Variants in ARPC5L observed in about 807,000 individuals in gnomAD.
ARPC5L encodes the protein actin related protein 2/3 complex subunit 5 like.
ARPC5L carries 4 observed loss-of-function variants against 16.9 expected under a neutral mutation model. That is an observed-to-expected ratio of 0.24 (90% CI 0.12 to 0.54). The LOEUF is 0.54. Ranked by LOEUF, ARPC5L falls within the 20% of genes least tolerant of loss-of-function variation. ARPC5L has a pLI of 0.95. For synonymous variants in ARPC5L, 78 were observed against 82.6 expected (o/e 0.94, Z 0.30); for missense variants, 151 against 201.9 (o/e 0.75, Z 1.53).
At position 124,875,021 on chromosome 9, in the gene ARPC5L, G is replaced by A. The variant is rs762193976; in HGVS notation, c.269G>A (p.Ser90Asn). The change falls in exon 5 of 6, where the codon AGC becomes AAC. Residue 90 changes from serine to asparagine, a missense_variant. Physicochemically the swap from Ser to Asn is conservative, Grantham distance 46. Transcript: ENST00000353214. The stretch of plus-strand genomic sequence containing the variant: ...CTGAAAGTGCTCACAAACTTCAAGA[G>A]CAGTGAGATTGAGCAGGCTGTGCAG... ...VVLKVLTNFK[S>N]SEIEQAVQSL... 1 of 1,614,070 alleles carries A rather than the reference G, an allele frequency of 6.2e-7. No individual in the cohort carries two copies. Among genetic ancestry groups the A allele is most frequent in the South Asian group, 1.1e-5 (1 of 91,084 alleles).
chr9:124,865,749 C>T (rs537250908), intron 2 of ARPC5L, among the ~76,000 whole-genome samples: 15 of 150,952 alleles, frequency 9.9e-5, no homozygotes, highest in African/African-American at 3.4e-4. Flanking sequence ...GCCAAGATTG[C>T]GCCACTTCAC....
At position 124,869,210 on chromosome 9, in the gene ARPC5L, C is replaced by T. The variant is rs1025732881; in HGVS notation, c.-81C>T. On this transcript the variant is annotated 5_prime_UTR_variant, in exon 3 of 6. Transcript: ENST00000353214. Reference sequence around the variant, plus strand: ...CAGCCGGGCAGCCGCTTCCCGCCCCCGAGCAGGAGCCGGTGCGAGCGGAGC... The same window carrying T: ...CAGCCGGGCAGCCGCTTCCCGCCCCTGAGCAGGAGCCGGTGCGAGCGGAGC... 1.5e-6 allele frequency: 2 copies of T among 1,345,968 alleles called. No homozygotes were observed. Among genetic ancestry groups the T allele is most frequent in the East Asian group, 3.1e-5 (1 of 31,966 alleles). The allele number at this position is 1,345,968 out of a possible 1,614,324, so 83.4% of individuals were successfully genotyped here. A position where few individuals can be genotyped will look rare whatever the true frequency, so the allele number is the denominator to read the frequency against.
intron 5 of ARPC5L, 104 bp downstream of exon 5, chr9:124,875,255 G>T: frequency 7.5e-7 from 1 of 1,328,362 alleles, no homozygotes; most frequent in South Asian, 1.4e-5. Context: ...TCTGATAGGC[G>T]TGTGGGGTCA....
chr9:124,877,040 T>A lies in ARPC5L; in HGVS notation c.*100T>A. 1.1e-6 allele frequency: 1 copy of A among 902,458 alleles called. No individual in the cohort carries two copies. The highest frequency in any genetic ancestry group is 1.7e-6 in the Non-Finnish European group (1 of 593,682). 55.9% of individuals were successfully genotyped at this position (902,458 alleles called of 1,614,324 possible). On this transcript the variant is annotated 3_prime_UTR_variant, in exon 6 of 6. Transcript: ENST00000353214. The stretch of plus-strand genomic sequence containing the variant: ...GACCATCTTCCTAGGAACTCCCAAG[T>A]AAACTATTTCAGGACATGTATCTGC...
intron 4 of ARPC5L, among the ~76,000 whole-genome samples, chr9:124,873,977 C>G (rs897003320): frequency 5.9e-5 from 9 of 152,332 alleles, no homozygotes; most frequent in Non-Finnish European, 1.2e-4. Flanking sequence ...CCCACAGAAG[C>G]CTTCACTCCT....
intron 3 of ARPC5L, among the ~76,000 whole-genome samples, chr9:124,870,107 CT>C (rs1269345536): frequency 6.6e-6 from 1 of 152,184 alleles, no homozygotes; most frequent in Non-Finnish European, 1.5e-5. Context: ...CTCAGCCACG[CT>C]CAACAAGTGA....
intron 2 of ARPC5L, among the ~76,000 whole-genome samples, chr9:124,867,963 G>T (rs1312614852): frequency 6.6e-6 from 1 of 151,934 alleles, no homozygotes; most frequent in African/African-American, 2.4e-5. Flanking sequence ...GCATGCGCCA[G>T]CACGCCCGGC....
intron 3 of ARPC5L, among the ~76,000 whole-genome samples, chr9:124,869,888 C>T (rs1050323150): frequency 1.3e-5 from 2 of 152,204 alleles, no homozygotes; most frequent in African/African-American, 4.8e-5. Context: ...GAGGCTGGGG[C>T]GCGGTCCTCC....
Position 124,873,595 on chromosome 9 carries a change from C to A in ARPC5L, c.150-97C>A, listed in dbSNP as rs113069294. ...GAAGGTGGGTGGTATGGATGAGATC[C>A]CATCTGACTCTGTTCCTGAGCTGTT... On this transcript the variant is annotated intron_variant, in intron 3 of 5. Transcript: ENST00000353214. 7.3e-6 allele frequency: 10 copies of A among 1,369,686 alleles called. No homozygotes were observed. The African/African-American group carries it at 1.4e-4, about 20-fold the overall frequency. The allele number at this position is 1,369,686 out of a possible 1,614,324, so 84.8% of individuals were successfully genotyped here.
intron 2 of ARPC5L, among the ~76,000 whole-genome samples, chr9:124,864,848 C>T (rs566054130): frequency 4.9e-4 from 75 of 151,578 alleles, no homozygotes; most frequent in African/African-American, 1.7e-3. Flanking sequence ...ATTCTTGTTG[C>T]CCAGGCTGGA....
chr9:124,876,065 G>A (rs1005042181), intron 5 of ARPC5L, among the ~76,000 whole-genome samples: 7 of 152,286 alleles, frequency 4.6e-5, no homozygotes, highest in South Asian at 2.1e-4. Flanking sequence ...TCACCTCAGC[G>A]GGCGGCAGTC....
At position 124,876,908 on chromosome 9, in the gene ARPC5L, A is replaced by G. The variant is rs765136624; in HGVS notation, c.430A>G (p.Ile144Val). The G allele has an allele frequency of 3.7e-6, 6 of 1,613,588 alleles. No individual in the cohort carries two copies. Among genetic ancestry groups the G allele is most frequent in the East Asian group, 2.2e-5 (1 of 44,864 alleles). The stretch of plus-strand genomic sequence containing the variant: ...AGCAGTAGGAGGACTAGGCTCCATT[A>G]TAAGAGTTCTTACAGCAAGAAAGAC... ...ALAVGGLGSI[I>V]RVLTARKTV The change falls in exon 6 of 6, where the codon ATA (isoleucine) becomes GTA (valine). Residue 144 changes from isoleucine (I) to valine (V), a missense_variant. Physicochemically the swap from Ile to Val is conservative, Grantham distance 29. Transcript: ENST00000353214.
At position 124,862,136 on chromosome 9, in the gene ARPC5L, G is replaced by C. The variant is rs189904170; in HGVS notation, c.-1246G>C. ...GCCTTGTAGTGCTCGCCTCATTCAC[G>C]GCACCCCTGATAGCGAGGTCGGCGT... On this transcript the variant is annotated 5_prime_UTR_variant, in exon 1 of 6. Transcript: ENST00000353214. 12 of 509,488 alleles carry C rather than the reference G, an allele frequency of 2.4e-5. No homozygotes were observed. Among genetic ancestry groups the C allele is most frequent in the African/African-American group, 6.0e-5 (3 of 49,630 alleles). The allele number at this position is 509,488 out of a possible 1,614,324, so 31.6% of individuals were successfully genotyped here.
chr9:124,865,962 A>G (rs844132), intron 2 of ARPC5L, among the ~76,000 whole-genome samples: 149,323 of 151,978 alleles, frequency 0.98, 73,409 homozygotes, highest in East Asian at 1. Flanking sequence ...AAAATTAGCC[A>G]GGCGTGGTGG....
At chr9:124,869,577 C>T in intron 3 of ARPC5L, 138 bp downstream of exon 3, 2 of 1,337,188 alleles carry the variant, frequency 1.5e-6, no homozygotes, top group Non-Finnish European at 1.9e-6. Context: ...CAGCTCCCTG[C>T]CGACCCGGCT....
chr9:124,875,712 C>CA, intron 5 of ARPC5L, among the ~76,000 whole-genome samples: 1 of 152,328 alleles, frequency 6.6e-6, no homozygotes, highest in East Asian at 1.9e-4. Context: ...AGGCCTTTGG[C>CA]AAGCCTGTGT....
At position 124,869,227 on chromosome 9, in the gene ARPC5L, G is replaced by T. The variant is rs1171454825; in HGVS notation, c.-64G>T. 7 of 1,398,738 alleles carry T rather than the reference G, an allele frequency of 5.0e-6. No homozygotes were observed. In the South Asian group the frequency reaches 6.3e-5, roughly 13 times the overall value. 86.6% of individuals were successfully genotyped at this position (1,398,738 alleles called of 1,614,324 possible). On this transcript the variant is annotated 5_prime_UTR_variant, in exon 3 of 6. Coordinates refer to ENST00000353214, the MANE Select transcript of ARPC5L (RefSeq NM_030978.3). Reference sequence around the variant, plus strand: ...CCCGCCCCCGAGCAGGAGCCGGTGCGAGCGGAGCAGAGCCGAGGTCGGGCC... The same window carrying T: ...CCCGCCCCCGAGCAGGAGCCGGTGCTAGCGGAGCAGAGCCGAGGTCGGGCC...
intron 3 of ARPC5L, among the ~76,000 whole-genome samples, chr9:124,870,127 TC>T (rs1360846289): frequency 6.6e-6 from 1 of 152,006 alleles, no homozygotes; most frequent in Non-Finnish European, 1.5e-5. Flanking sequence ...GAGTCTTGGC[TC>T]CCCCCAGTAC....
rs1411254424 is a variant in ARPC5L, at chr9:124,864,073, G to A, written c.-898G>A. On this transcript the variant is annotated 5_prime_UTR_variant, in exon 2 of 6. Transcript: ENST00000353214. ...CTCCAGGCCCAGTACATGGATGCTTGTTGGATGAATTAATGAACCTTGACC... is the reference window on the plus strand; with the variant it reads ...CTCCAGGCCCAGTACATGGATGCTTATTGGATGAATTAATGAACCTTGACC... 1 of 152,212 alleles carries A rather than the reference G, an allele frequency of 6.6e-6. No individual in the cohort carries two copies. The highest frequency in any genetic ancestry group is 1.5e-5 in the Non-Finnish European group (1 of 68,044). 9.4% of individuals were successfully genotyped at this position (152,212 alleles called of 1,614,324 possible).
Sources: allele counts gnomAD v4.1 joint callset (sites outside exome capture counted in the v4.1 genomes callset), GRCh38; gene constraint gnomAD v4.1.1; transcripts MANE v1.5; gene names NCBI Gene and HGNC (gene_info 2026-07-23, HGNC 2026-07-21).